Variants in PDLIM1 observed in about 807,000 individuals in gnomAD.
The protein encoded by PDLIM1 is PDZ and LIM domain 1, also known as PDZ and LIM domain protein 1.
Under a neutral mutation model 35.2 loss-of-function variants are expected in PDLIM1, and 25 were observed. The observed-to-expected ratio is 0.71, with a 90% CI of 0.52 to 0.99. The LOEUF (loss-of-function observed/expected upper bound fraction) is 0.99, where lower values mean the gene tolerates loss of function less well. PDLIM1 is among the 50% of genes least tolerant of loss of function. The probability of loss-of-function intolerance (pLI) is 0.00; values close to 1 mark genes in which losing one functional copy is unlikely to be tolerated. For synonymous variants in PDLIM1, 152 were observed against 154.0 expected (o/e 0.99, Z 0.10); for missense variants, 363 against 415.3 (o/e 0.87, Z 1.09).
In PDLIM1 at chr10:95,270,619, C is replaced by T. The variant is rs138953833; in HGVS notation, c.248+1014G>A. 1.5e-3 allele frequency among the ~76,000 whole-genome samples: 223 copies of T among 152,292 alleles called. 1 individual carries two copies. The highest frequency in any genetic ancestry group is 2.6e-3 in the Non-Finnish European group (174 of 68,030). ...CCCTCATTCATTCTTTTATCCCCAG[C>T]GCTCCTTGCTTGTCATGTACCTAAA... On this transcript the variant is annotated intron_variant, in intron 2 of 6. Coordinates refer to ENST00000329399, the MANE Select transcript of PDLIM1 (RefSeq NM_020992.4).
At chr10:95,287,660 G>C (rs986958975) in intron 1 of PDLIM1, among the ~76,000 whole-genome samples, 1 of 151,904 alleles carries the variant, frequency 6.6e-6, no homozygotes, top group Non-Finnish European at 1.5e-5. Flanking sequence ...AATTAACATG[G>C]AAAATTTTTT....
At chr10:95,271,608 A>G in intron 2 of PDLIM1, 25 bp downstream of exon 2, 1 of 1,580,646 alleles carries the variant, frequency 6.3e-7, no homozygotes, top group Non-Finnish European at 8.5e-7. Flanking sequence ...ATCAGAAATG[A>G]ACAAAACGTT....
rs1176027481 is a variant in PDLIM1 at position 95,237,883 on chromosome 10, G to A, written c.*42C>T. 3.2e-6 allele frequency: 5 copies of A among 1,553,854 alleles called. No homozygotes were observed. Among genetic ancestry groups the A allele is most frequent in the Admixed American group, 1.7e-5 (1 of 58,652 alleles). Reference sequence around the variant, plus strand: ...GGCCAGAACACTGAGAGAAAAAGCTGCAGCAGAGGCCTGCTGGAGAACAGT... The same window carrying A: ...GGCCAGAACACTGAGAGAAAAAGCTACAGCAGAGGCCTGCTGGAGAACAGT... On this transcript the variant is annotated 3_prime_UTR_variant, in exon 7 of 7. Transcript: ENST00000329399.
chr10:95,257,038 G>GAAAGAAAGAAAGAATT (rs1440640324), intron 4 of PDLIM1, among the ~76,000 whole-genome samples: 2 of 129,774 alleles, frequency 1.5e-5, no homozygotes, highest in Non-Finnish European at 3.3e-5. Flanking sequence ...AAGAAAGAAA[G>GAAAGAAAGAAAGAATT]AATTCAAAAT....
At chr10:95,265,487 C>T (rs914238281) in intron 3 of PDLIM1, among the ~76,000 whole-genome samples, 3 of 146,420 alleles carry the variant, frequency 2.0e-5, no homozygotes, top group Non-Finnish European at 4.5e-5. Context: ...CCCAGCTACT[C>T]GGGAGGCTGA....
intron 4 of PDLIM1, among the ~76,000 whole-genome samples, chr10:95,261,016 T>C (rs2035357445): frequency 2.0e-5 from 3 of 151,818 alleles, no homozygotes. Flanking sequence ...CCTCAAAGAG[T>C]GCGGGGTGGA....
chr10:95,277,640 A>AAAAT (rs1554833323), intron 1 of PDLIM1, among the ~76,000 whole-genome samples: 1 of 150,248 alleles, frequency 6.7e-6, no homozygotes, highest in Non-Finnish European at 1.5e-5. Context: ...AAGAATGTCT[A>AAAAT]AAAATAAAAT....
chr10:95,271,344 G>T (rs45555036), intron 2 of PDLIM1, among the ~76,000 whole-genome samples: 9,391 of 151,290 alleles, frequency 0.062, 391 homozygotes, highest in South Asian at 0.19. Context: ...GGCTAAGGCA[G>T]GAGAGTCACT....
At chr10:95,246,762 G>A (rs563393152) in intron 5 of PDLIM1, among the ~76,000 whole-genome samples, 87 of 152,274 alleles carry the variant, frequency 5.7e-4, no homozygotes, top group African/African-American at 1.5e-3. Flanking sequence ...GCAAACACAT[G>A]CCCCCAAGCA....
At chr10:95,264,930 C>T (rs1334223021) in intron 3 of PDLIM1, among the ~76,000 whole-genome samples, 2 of 144,612 alleles carry the variant, frequency 1.4e-5, no homozygotes, top group Admixed American at 1.4e-4. Flanking sequence ...TCTTTCCCTC[C>T]TGCCAGCATC....
intron 1 of PDLIM1, among the ~76,000 whole-genome samples, chr10:95,288,287 G>A (rs889692377): frequency 2.6e-5 from 4 of 152,196 alleles, no homozygotes; most frequent in Non-Finnish European, 5.9e-5. Flanking sequence ...ATTCATGCAA[G>A]AGAAAGCAAA....
At chr10:95,276,896 TAAAAAAAAAAAA>T (rs61442624) in intron 1 of PDLIM1, among the ~76,000 whole-genome samples, 1 of 68,878 alleles carries the variant, frequency 1.5e-5, no homozygotes, top group Non-Finnish European at 2.6e-5. Context: ...TTCAGTTTCC[TAAAAAAAAAAAA>T]AAAAAAAAAA....
intron 1 of PDLIM1, among the ~76,000 whole-genome samples, chr10:95,283,456 T>C (rs2035576207): frequency 1.3e-5 from 2 of 152,212 alleles, no homozygotes; most frequent in Admixed American, 1.3e-4. Context: ...CATTAAGATG[T>C]CTTTAATTCT....
chr10:95,283,391 C>G (rs1237386181), intron 1 of PDLIM1, among the ~76,000 whole-genome samples: 1 of 152,096 alleles, frequency 6.6e-6, no homozygotes, highest in Non-Finnish European at 1.5e-5. Context: ...AGTAAATGGA[C>G]AAGATAAGGT....
rs1192052890 is a variant in PDLIM1 at position 95,264,032 on chromosome 10, C to T, written c.365G>A (p.Arg122Gln). ...CGAGGCGGTAAAGGGCATGGCACTT[C>T]GGTTGTGGGCGCTTCCTATGTGCAG... Reference protein sequence around the residue: ...EVLHIGSAHNRSAMPFTASPA... With the variant: ...EVLHIGSAHNQSAMPFTASPA... The change falls in exon 4 of 7, where the codon CGA becomes CAA. Residue 122 changes from arginine (R) to glutamine (Q), a missense_variant. By Grantham distance (43) the Arg-to-Gln change is conservative. Transcript: ENST00000329399. 7 of 1,613,540 alleles carry T rather than the reference C, an allele frequency of 4.3e-6. No individual in the cohort carries two copies. In the East Asian group the frequency reaches 1.1e-4, roughly 26 times the overall value.
At chr10:95,268,292 A>G (rs1354125043) in intron 3 of PDLIM1, among the ~76,000 whole-genome samples, 1 of 152,184 alleles carries the variant, frequency 6.6e-6, no homozygotes, top group Non-Finnish European at 1.5e-5. Flanking sequence ...CACTGTAACA[A>G]AAATAGAGAT....
At chr10:95,267,929 CATT>C (rs2035429583) in intron 3 of PDLIM1, among the ~76,000 whole-genome samples, 1 of 152,304 alleles carries the variant, frequency 6.6e-6, no homozygotes, top group Admixed American at 6.5e-5. Context: ...CCTAGTTTAT[CATT>C]ACTAATTCAT....
At chr10:95,269,009 T>C (rs1011136467) in intron 2 of PDLIM1, 147 bp from the exon 3 acceptor site, 13 of 636,762 alleles carry the variant, frequency 2.0e-5, no homozygotes, top group Admixed American at 1.5e-4. Flanking sequence ...TGCCACCAGG[T>C]TGATCTTTTA....
intron 3 of PDLIM1, 34 bp downstream of exon 3, chr10:95,268,744 G>A (rs761782524): frequency 7.3e-6 from 10 of 1,370,422 alleles, no homozygotes; most frequent in Middle Eastern, 1.8e-4. Flanking sequence ...GTGCTGGGTG[G>A]TGAGAGCAGC....
Sources: gnomAD v4.1 joint callset for allele counts (sites outside exome capture counted in the v4.1 genomes callset) on GRCh38, gnomAD v4.1.1 for gene constraint, MANE v1.5 for transcripts, NCBI Gene and HGNC (gene_info 2026-07-23, HGNC 2026-07-21) for gene names.